The following PPM1H variants were observed in gnomAD, a reference collection of about 807,000 sequenced individuals.
PPM1H encodes the protein protein phosphatase 1H.
A neutral mutation model predicts 54.9 loss-of-function variants in PPM1H; 27 were observed. The observed-to-expected ratio is 0.49, with a 90% CI of 0.36 to 0.68. The LOEUF (loss-of-function observed/expected upper bound fraction) is 0.68. Among genes scored for constraint, PPM1H ranks in the 30% least tolerant of loss-of-function variants. PPM1H has a pLI of 0.00. For missense variants in PPM1H, 596 were observed against 667.8 expected (o/e 0.89, Z 1.19); for synonymous variants, 305 against 270.8 (o/e 1.13, Z -1.24).
chr12:62,886,592 A>G (rs893664183), intron 1 of PPM1H, among the ~76,000 whole-genome samples: 1 of 152,228 alleles, frequency 6.6e-6, no homozygotes, highest in Non-Finnish European at 1.5e-5. Context: ...TGGCTGCAAG[A>G]TGTTACCAGA....
At chr12:62,866,121 G>A (rs1869767374) in intron 1 of PPM1H, among the ~76,000 whole-genome samples, 1 of 152,116 alleles carries the variant, frequency 6.6e-6, no homozygotes, top group South Asian at 2.1e-4. Context: ...CTGCGAAGAG[G>A]GAAAGCCAAG....
chr12:62,852,996 A>G (rs1334664030), intron 1 of PPM1H, among the ~76,000 whole-genome samples: 1 of 152,246 alleles, frequency 6.6e-6, no homozygotes, highest in African/African-American at 2.4e-5. Flanking sequence ...AAACTAAAAC[A>G]TTATGATAGT....
intron 1 of PPM1H, among the ~76,000 whole-genome samples, chr12:62,870,574 A>G (rs1869939755): frequency 6.6e-6 from 1 of 152,226 alleles, no homozygotes; most frequent in Non-Finnish European, 1.5e-5. Context: ...ACAATCACAG[A>G]TTAGACATGC....
chr12:62,718,380 C>T (rs2120454191), intron 6 of PPM1H, among the ~76,000 whole-genome samples: 1 of 152,288 alleles, frequency 6.6e-6, no homozygotes. Flanking sequence ...CTCTGAGTAC[C>T]TGAATCTGCT....
intron 2 of PPM1H, among the ~76,000 whole-genome samples, chr12:62,830,172 C>T (rs1660898966): frequency 6.6e-6 from 1 of 152,238 alleles, no homozygotes; most frequent in Non-Finnish European, 1.5e-5. Context: ...TTTCCACGGA[C>T]TACTGGAGTT....
intron 1 of PPM1H, among the ~76,000 whole-genome samples, chr12:62,891,158 T>C (rs1024329172): frequency 2.0e-5 from 3 of 151,950 alleles, no homozygotes; most frequent in African/African-American, 7.3e-5. Context: ...AGCATATTTT[T>C]CCTTAAAAGT....
chr12:62,653,161 T>C (rs4763024), intron 9 of PPM1H, among the ~76,000 whole-genome samples: 42,249 of 152,076 alleles, frequency 0.28, 5,980 homozygotes, highest in Non-Finnish European at 0.3. Context: ...TTTGTGTTTT[T>C]GTTGCTGATA....
chr12:62,720,301 A>G lies in PPM1H; in HGVS notation c.955-12T>C, dbSNP rs2076256625. On this transcript the variant is annotated splice_polypyrimidine_tract_variant and intron_variant, in intron 5 of 9. Transcript: ENST00000228705. ...GGCTGCATGAATGCCTAATAGCAAA[A>G]AGAAAAAGAAAAAACACACACATAC... 3 of 1,566,064 alleles carry G rather than the reference A, an allele frequency of 1.9e-6. No individual in the cohort carries two copies. The highest frequency in any genetic ancestry group is 2.6e-6 in the Non-Finnish European group (3 of 1,137,476).
At chr12:62,751,153 A>C (rs1463186373) in intron 4 of PPM1H, among the ~76,000 whole-genome samples, 2 of 152,208 alleles carry the variant, frequency 1.3e-5, no homozygotes, top group African/African-American at 4.8e-5. Context: ...ACAATGGCTC[A>C]CTATTTGTGT....
At chr12:62,883,901 C>CTG (rs1870484478) in intron 1 of PPM1H, among the ~76,000 whole-genome samples, 1 of 143,984 alleles carries the variant, frequency 6.9e-6, no homozygotes, top group Non-Finnish European at 1.5e-5. Context: ...AGAAAAAAGA[C>CTG]AACAGAGTCT....
chr12:62,841,475 TTAG>T (rs1868747306), intron 1 of PPM1H, among the ~76,000 whole-genome samples: 1 of 151,970 alleles, frequency 6.6e-6, no homozygotes, highest in African/African-American at 2.4e-5. Flanking sequence ...GGCAGAGTTA[TTAG>T]TAGTTGCAAC....
intron 6 of PPM1H, 100 bp from the exon 7 acceptor site, chr12:62,694,099 A>G (rs1347503831): frequency 1.1e-5 from 11 of 1,008,350 alleles, no homozygotes; most frequent in Middle Eastern, 2.1e-4. Context: ...CTGAGACCCC[A>G]TCCACTCACC....
chr12:62,905,621 G>C (rs1419501242), intron 1 of PPM1H, among the ~76,000 whole-genome samples: 1 of 152,160 alleles, frequency 6.6e-6, no homozygotes, highest in Non-Finnish European at 1.5e-5. Flanking sequence ...CGTTTAAGTA[G>C]AGAAGAATGA....
At chr12:62,755,226 G>A (rs1397374468) in intron 4 of PPM1H, 8 of 692,886 alleles carry the variant, frequency 1.2e-5, no homozygotes, top group South Asian at 4.2e-5. Flanking sequence ...GAGACACTAC[G>A]GTGAAGGTGA....
intron 2 of PPM1H, among the ~76,000 whole-genome samples, chr12:62,810,708 G>A (rs11174660): frequency 0.066 from 9,996 of 152,280 alleles, 444 homozygotes; most frequent in Middle Eastern, 0.12. Context: ...TATCTACCAT[G>A]ATATGTCTTA....
At chr12:62,706,655 A>G (rs986453417) in intron 6 of PPM1H, among the ~76,000 whole-genome samples, 19 of 152,232 alleles carry the variant, frequency 1.2e-4, no homozygotes, top group African/African-American at 4.6e-4. Context: ...GAGAGGTCAT[A>G]TATCTGGGAG....
intron 2 of PPM1H, among the ~76,000 whole-genome samples, chr12:62,822,810 A>C (rs887246490): frequency 6.6e-6 from 1 of 152,170 alleles, no homozygotes; most frequent in African/African-American, 2.4e-5. Flanking sequence ...TAAAATTGAC[A>C]CCCTAACATC....
chr12:62,713,432 G>C (rs541001906), intron 6 of PPM1H, among the ~76,000 whole-genome samples: 107 of 152,162 alleles, frequency 7.0e-4, no homozygotes, highest in African/African-American at 2.4e-3. Context: ...TACTGACTAG[G>C]GCTGATGAAA....
At chr12:62,873,236 GCACAGGCTA>G (rs1870048507) in intron 1 of PPM1H, among the ~76,000 whole-genome samples, 1 of 152,166 alleles carries the variant, frequency 6.6e-6, no homozygotes, top group African/African-American at 2.4e-5. Context: ...TGGGACCTTA[GCACAGGCTA>G]CTGCCTAGGA....
Sources: allele counts gnomAD v4.1 joint callset (sites outside exome capture counted in the v4.1 genomes callset), GRCh38; gene constraint gnomAD v4.1.1; transcripts MANE v1.5; gene names NCBI Gene and HGNC (gene_info 2026-07-23, HGNC 2026-07-21).